Variants in BCO1 observed in about 807,000 individuals in gnomAD.
The protein encoded by BCO1 is beta-carotene oxygenase 1.
Under a neutral mutation model 56.3 loss-of-function variants are expected in BCO1, and 54 were observed. The observed-to-expected ratio is 0.96, with a 90% CI of 0.77 to 1.20. The LOEUF is 1.20. Ranked by LOEUF, BCO1 falls within the 50% of genes most tolerant of loss-of-function variation. The pLI is 0.00. For synonymous variants in BCO1, 318 were observed against 266.1 expected (o/e 1.20, Z -1.90); for missense variants, 801 against 690.9 (o/e 1.16, Z -1.79).
At chr16:81,251,508 C>T (rs780717341) in intron 2 of BCO1, among the ~76,000 whole-genome samples, 2 of 150,484 alleles carry the variant, frequency 1.3e-5, no homozygotes, top group Non-Finnish European at 3.0e-5. Context: ...TGCAGTGAGC[C>T]GAGATCACAC....
In BCO1 at chr16:81,285,638, C is replaced by A; in HGVS notation, c.1302+4C>A. 1 of 1,583,948 alleles carries A rather than the reference C, an allele frequency of 6.3e-7. No individual in the cohort carries two copies. Among genetic ancestry groups the A allele is most frequent in the Non-Finnish European group, 8.7e-7 (1 of 1,152,512 alleles). Reference sequence around the variant, plus strand: ...GTGGAGTCCAATCCCAACCAAGGTACTGGTCTCTGTGTATTCACAAGCCTT... The same window carrying A: ...GTGGAGTCCAATCCCAACCAAGGTAATGGTCTCTGTGTATTCACAAGCCTT... On this transcript the variant is annotated splice_donor_region_variant and intron_variant, in intron 9 of 10. Transcript: ENST00000258168.
In BCO1 at chr16:81,262,200, A is replaced by G; in HGVS notation, c.388A>G (p.Lys130Glu). ...CGACAACTGCCTGATCAACATCATG[A>G]AGTGCGGAGAAGACTTCTACGCGAC... is the stretch of plus-strand genomic sequence containing the variant. ...FTDNCLINIM[K>E]CGEDFYATSE... The change falls in exon 4 of 11, where the codon AAG becomes GAG. Residue 130 changes from lysine (K) to glutamate (E), a missense_variant. By Grantham distance (56) the Lys-to-Glu change is moderately conservative. Transcript: ENST00000258168. 6.2e-7 allele frequency: 1 copy of G among 1,613,784 alleles called. No individual in the cohort carries two copies. The highest frequency in any genetic ancestry group is 8.5e-7 in the Non-Finnish European group (1 of 1,179,750).
chr16:81,290,276 C>T, intron 10 of BCO1, 72 bp from the exon 11 acceptor site: 7 of 1,236,232 alleles, frequency 5.7e-6, no homozygotes, highest in Non-Finnish European at 8.3e-6. Context: ...GGCAGAGAGA[C>T]ATGCTGAGAA....
At chr16:81,262,003 C>T (rs1004347461) in intron 3 of BCO1, 133 bp from the exon 4 acceptor site, 3 of 1,079,072 alleles carry the variant, frequency 2.8e-6, no homozygotes, top group East Asian at 2.4e-5. Flanking sequence ...CGGCCTCCCA[C>T]AGTGCTGGGA....
intron 8 of BCO1, among the ~76,000 whole-genome samples, chr16:81,284,642 T>C (rs1281536870): frequency 6.6e-6 from 1 of 152,030 alleles, no homozygotes; most frequent in Admixed American, 6.6e-5. Context: ...CTTCCCATTC[T>C]GTTTTATTTT....
At chr16:81,252,988 C>A (rs964692174) in intron 2 of BCO1, among the ~76,000 whole-genome samples, 32 of 152,062 alleles carry the variant, frequency 2.1e-4, no homozygotes, top group Non-Finnish European at 3.4e-4. Context: ...AGGCACCTGT[C>A]ATGCCACCTA....
chr16:81,288,256 C>T (rs1380326027), intron 10 of BCO1, among the ~76,000 whole-genome samples: 2 of 152,096 alleles, frequency 1.3e-5, no homozygotes, highest in Admixed American at 1.3e-4. Flanking sequence ...ATTGCAGTGG[C>T]TGGATCCCAA....
intron 2 of BCO1, among the ~76,000 whole-genome samples, chr16:81,254,671 A>G (rs77149856): frequency 0.029 from 4,366 of 152,272 alleles, 111 homozygotes; most frequent in Non-Finnish European, 0.04. Context: ...GGCAATGGAC[A>G]TGGAAACACA....
intron 2 of BCO1, among the ~76,000 whole-genome samples, chr16:81,251,424 G>C (rs965459410): frequency 2.6e-5 from 4 of 152,022 alleles, no homozygotes; most frequent in East Asian, 1.9e-4. Flanking sequence ...TCCAGGCGTG[G>C]TGGTATGCAC....
intron 6 of BCO1, among the ~76,000 whole-genome samples, chr16:81,269,790 C>G (rs1907070124): frequency 1.3e-5 from 2 of 152,288 alleles, no homozygotes; most frequent in African/African-American, 2.4e-5. Flanking sequence ...TAGATGGAGC[C>G]TGGCACCTGG....
intron 2 of BCO1, among the ~76,000 whole-genome samples, chr16:81,247,765 A>G (rs529090473): frequency 3.9e-5 from 6 of 152,228 alleles, no homozygotes; most frequent in South Asian, 2.1e-4. Context: ...ACCTCAGGTG[A>G]TCTGCCCACC....
intron 2 of BCO1, among the ~76,000 whole-genome samples, chr16:81,257,854 TG>T (rs1457329115): frequency 2.8e-5 from 4 of 142,222 alleles, no homozygotes; most frequent in Non-Finnish European, 6.0e-5. Context: ...CACTCCAGCC[TG>T]GGTGACAGAG....
Position 81,264,806 on chromosome 16 carries a change from T to C in BCO1, c.619+19T>C, listed in dbSNP as rs541357816. 33 of 1,613,962 alleles carry C rather than the reference T, an allele frequency of 2.0e-5. No individual in the cohort carries two copies. In the East Asian group the frequency reaches 5.1e-4, roughly 25 times the overall value. On this transcript the variant is annotated intron_variant, in intron 5 of 10. Transcript: ENST00000258168. ...GTACCAGGTAGGCCACTCTGGGGAA[T>C]TGAATAAAACACAAACAACCAAGTG...
intron 2 of BCO1, among the ~76,000 whole-genome samples, chr16:81,250,057 G>GT (rs894734415): frequency 1.4e-4 from 22 of 152,152 alleles, no homozygotes; most frequent in Non-Finnish European, 1.9e-4. Flanking sequence ...TACAAAGAGG[G>GT]TTTGCTGGGC....
intron 1 of BCO1, among the ~76,000 whole-genome samples, chr16:81,240,077 A>C (rs1480799667): frequency 6.6e-6 from 1 of 152,070 alleles, no homozygotes; most frequent in East Asian, 1.9e-4. Context: ...AAAAAAAAAT[A>C]GCTTTTATGT....
chr16:81,258,130 AG>A (rs900515586), intron 2 of BCO1, among the ~76,000 whole-genome samples: 19 of 152,178 alleles, frequency 1.2e-4, no homozygotes, highest in African/African-American at 4.6e-4. Context: ...AGCCTCCAAA[AG>A]GAACTAGCCC....
intron 1 of BCO1, among the ~76,000 whole-genome samples, chr16:81,245,171 C>A (rs537416321): frequency 6.6e-6 from 1 of 152,154 alleles, no homozygotes; most frequent in Non-Finnish European, 1.5e-5. Flanking sequence ...GGATTACAGG[C>A]GTGAGCCAAC....
chr16:81,245,172 G>A (rs555762580), intron 1 of BCO1, among the ~76,000 whole-genome samples: 11 of 152,260 alleles, frequency 7.2e-5, no homozygotes, highest in African/African-American at 1.9e-4. Flanking sequence ...GATTACAGGC[G>A]TGAGCCAACA....
In BCO1 at chr16:81,289,075, CAG is replaced by C. The variant is rs1908330607; in HGVS notation, c.1415-1268_1415-1267del. The stretch of plus-strand genomic sequence containing the variant: ...GTCTTCATTTTACCAATGGGATGCT[CAG>C]AGAGTGACCTTTTTGCCCAAGGTCA... On this transcript the variant is annotated intron_variant, in intron 10 of 10. Coordinates refer to ENST00000258168, the MANE Select transcript of BCO1 (RefSeq NM_017429.3). 1.3e-5 allele frequency among the ~76,000 whole-genome samples: 2 copies of C among 152,186 alleles called. 1 individual carries two copies. The highest frequency in any genetic ancestry group is 4.1e-4 in the South Asian group (2 of 4,834).
Sources: gnomAD v4.1 joint callset for allele counts (sites outside exome capture counted in the v4.1 genomes callset) on GRCh38, gnomAD v4.1.1 for gene constraint, MANE v1.5 for transcripts, NCBI Gene and HGNC (gene_info 2026-07-23, HGNC 2026-07-21) for gene names.